Variants in SYT14 observed in about 807,000 individuals in gnomAD.
SYT14 encodes synaptotagmin-14.
In SYT14, 32 loss-of-function variants were observed where a neutral mutation model predicts 74.2. The ratio of observed to expected loss-of-function variants is 0.43; its 90% CI spans 0.33 to 0.58. SYT14 has a LOEUF of 0.58. SYT14 is among the 20% of genes least tolerant of loss of function. The pLI is 0.05. For synonymous variants in SYT14, 298 were observed against 337.7 expected (o/e 0.88, Z 1.29); for missense variants, 791 against 981.8 (o/e 0.81, Z 2.60).
chr1:210,112,987 TAG>T (rs1228310724), intron 7 of SYT14, among the ~76,000 whole-genome samples: 2 of 151,284 alleles, frequency 1.3e-5, no homozygotes, highest in East Asian at 1.9e-4. Context: ...TTGAGAACTG[TAG>T]AGAGTGAGTT....
intron 7 of SYT14, among the ~76,000 whole-genome samples, chr1:210,107,213 A>G (rs994582932): frequency 2.0e-5 from 3 of 152,240 alleles, no homozygotes; most frequent in African/African-American, 7.2e-5. Flanking sequence ...AGTTCTTTAC[A>G]GTTGAATCAG....
chr1:210,131,553 A>G (rs1414789839), intron 7 of SYT14, among the ~76,000 whole-genome samples: 2 of 151,492 alleles, frequency 1.3e-5, no homozygotes, highest in Non-Finnish European at 2.9e-5. Context: ...ATTTATATAT[A>G]TATGTATATG....
chr1:210,157,649 A>G (rs2083294814), intron 8 of SYT14, among the ~76,000 whole-genome samples: 2 of 151,752 alleles, frequency 1.3e-5, no homozygotes, highest in South Asian at 4.2e-4. Flanking sequence ...GGCTGAGGCA[A>G]GAGAATCACT....
chr1:210,140,525 A>AT lies in SYT14; in HGVS notation c.2035-15190dup, dbSNP rs199661348. On this transcript the variant is annotated intron_variant, in intron 7 of 9. Coordinates refer to ENST00000637265, the Ensembl canonical transcript of SYT14. ...TAATTTTGAGAAATTCAGTTTATTG[A>AT]TTTTTTCCTTCTGTTGCTTGTGTTG... is the stretch of plus-strand genomic sequence containing the variant. Among the ~76,000 whole-genome samples, 1,223 of 152,050 alleles carry AT rather than the reference A, an allele frequency of 8.0e-3. 15 individuals are homozygous for AT. Among genetic ancestry groups the AT allele is most frequent in the African/African-American group, 0.027 (1,117 of 41,484 alleles).
chr1:209,969,550 T>G (rs1293794552), intron 2 of SYT14, among the ~76,000 whole-genome samples: 1 of 147,832 alleles, frequency 6.8e-6, no homozygotes, highest in Admixed American at 7.1e-5. Flanking sequence ...TGCAGTGGCG[T>G]GATCTCGGCT....
chr1:209,990,363 A>G (rs1041828095), intron 2 of SYT14, among the ~76,000 whole-genome samples: 1 of 151,036 alleles, frequency 6.6e-6, no homozygotes, highest in Non-Finnish European at 1.5e-5. Flanking sequence ...AAACTTCTCA[A>G]CTTTATTTAG....
Position 210,133,473 on chromosome 1 carries a change from C to A in SYT14, c.2035-22248C>A, listed in dbSNP as rs113267426. Among the ~76,000 whole-genome samples the A allele has an allele frequency of 8.6e-3, 1,316 of 152,260 alleles. 7 individuals are homozygous for A. The highest frequency in any genetic ancestry group is 0.013 in the Non-Finnish European group (872 of 68,030). ...TATTGTATAGCAAATAGGTTTATTT[C>A]ATTTGATAGCAGAGGACACCAGTAA... On this transcript the variant is annotated intron_variant, in intron 7 of 9. Transcript: ENST00000637265.
chr1:210,118,967 T>A (rs888703581), intron 7 of SYT14, among the ~76,000 whole-genome samples: 5 of 152,166 alleles, frequency 3.3e-5, no homozygotes, highest in African/African-American at 9.7e-5. Context: ...TGGGCAAATA[T>A]GTTTTAAAAC....
intron 7 of SYT14, among the ~76,000 whole-genome samples, chr1:210,120,889 C>A (rs542048558): frequency 6.6e-6 from 1 of 151,958 alleles, no homozygotes; most frequent in East Asian, 1.9e-4. Context: ...ATTTTTATAC[C>A]AGCTCATTTG....
chr1:209,993,756 C>T (rs1001377237), intron 2 of SYT14, among the ~76,000 whole-genome samples: 10 of 152,228 alleles, frequency 6.6e-5, no homozygotes, highest in Non-Finnish European at 1.3e-4. Flanking sequence ...TCTTCTCCTT[C>T]CCCTCTCCCC....
intron 7 of SYT14, among the ~76,000 whole-genome samples, chr1:210,125,515 G>A (rs942370824): frequency 6.6e-6 from 1 of 152,154 alleles, no homozygotes; most frequent in Non-Finnish European, 1.5e-5. Context: ...AAGATAGTAT[G>A]TTTTTTAAGT....
chr1:209,952,634 T>A, intron 1 of SYT14, 75 bp from the exon 2 acceptor site: 1 of 1,336,348 alleles, frequency 7.5e-7, no homozygotes, highest in Non-Finnish European at 1.1e-6. Context: ...GGTGCTAATT[T>A]AAAATGATTC....
chr1:209,945,802 AT>A lies in SYT14; in HGVS notation c.-533-6902del, dbSNP rs148090917. ...GAACTAAATTTTGAGGTTTAATTCC[AT>A]TTTTGTGTACAGGCATACCTCCTTG... On this transcript the variant is annotated intron_variant, in intron 1 of 9. Transcript: ENST00000637265. 6.6e-5 allele frequency among the ~76,000 whole-genome samples: 10 copies of A among 152,294 alleles called. No individual in the cohort carries two copies. In the East Asian group the frequency reaches 1.7e-3, roughly 26 times the overall value.
chr1:210,119,557 C>G (rs1177801652), intron 7 of SYT14, among the ~76,000 whole-genome samples: 1 of 152,080 alleles, frequency 6.6e-6, no homozygotes, highest in East Asian at 1.9e-4. Context: ...AGAAAGATAT[C>G]TATTTGAAAG....
At chr1:210,083,706 A>C (rs1476511032) in intron 5 of SYT14, among the ~76,000 whole-genome samples, 1 of 151,732 alleles carries the variant, frequency 6.6e-6, no homozygotes, top group Admixed American at 6.6e-5. Flanking sequence ...AGTAGCTGGG[A>C]CCATAGACAC....
chr1:210,098,073 GC>G (rs1246163140), intron 6 of SYT14, among the ~76,000 whole-genome samples: 7 of 152,020 alleles, frequency 4.6e-5, no homozygotes, highest in African/African-American at 1.7e-4. Flanking sequence ...TACTCAGGAG[GC>G]TGAGGCAGGA....
intron 5 of SYT14, among the ~76,000 whole-genome samples, chr1:210,037,665 A>T (rs2080696853): frequency 6.6e-6 from 1 of 151,518 alleles, no homozygotes; most frequent in South Asian, 2.1e-4. Flanking sequence ...GAAATATTTT[A>T]AATTTCTATC....
chr1:209,981,450 C>CTTTTTTTTTTTTTTTT (rs1183885685), intron 2 of SYT14, among the ~76,000 whole-genome samples: 8 of 99,048 alleles, frequency 8.1e-5, no homozygotes, highest in African/African-American at 1.2e-4. Flanking sequence ...TTTTTCTTTT[C>CTTTTTTTTTTTTTTTT]TTTTTTTTTT....
At chr1:210,068,718 G>A (rs147446014) in intron 5 of SYT14, among the ~76,000 whole-genome samples, 1 of 150,994 alleles carries the variant, frequency 6.6e-6, no homozygotes, top group Non-Finnish European at 1.5e-5. Flanking sequence ...ATTCTTTCAG[G>A]GTTTTTAAAA....
Sources: gnomAD v4.1 joint callset for allele counts (sites outside exome capture counted in the v4.1 genomes callset) on GRCh38, gnomAD v4.1.1 for gene constraint, MANE v1.5 for transcripts, NCBI Gene and HGNC (gene_info 2026-07-23, HGNC 2026-07-21) for gene names.